The following DYM variants were observed in gnomAD, a reference collection of about 807,000 sequenced individuals.
DYM encodes dymeclin.
A neutral mutation model predicts 93.1 loss-of-function variants in DYM; 78 were observed. The observed-to-expected ratio is 0.84, with a 90% CI of 0.70 to 1.01. The LOEUF (loss-of-function observed/expected upper bound fraction) is 1.01. Ranked by LOEUF, DYM falls within the 50% of genes least tolerant of loss-of-function variation. DYM has a pLI of 0.00. For synonymous variants in DYM, 321 were observed against 319.7 expected, an observed-to-expected ratio of 1.00 and a Z score of -0.04; for missense variants, 789 against 845.0, an observed-to-expected ratio of 0.93 and a Z score of 0.82.
chr18:49,135,750 G>T (rs1424185417), intron 15 of DYM, among the ~76,000 whole-genome samples: 1 of 152,200 alleles, frequency 6.6e-6, no homozygotes, highest in East Asian at 1.9e-4. Flanking sequence ...ACATTACAAT[G>T]AAATGCTCTA....
chr18:49,319,177 A>T (rs950211846), intron 8 of DYM, among the ~76,000 whole-genome samples: 2 of 152,242 alleles, frequency 1.3e-5, no homozygotes, highest in African/African-American at 4.8e-5. Context: ...GTTACTATTG[A>T]AGACAACTGC....
chr18:49,289,756 T>A (rs76164117), intron 8 of DYM, among the ~76,000 whole-genome samples: 1 of 47,708 alleles, frequency 2.1e-5, no homozygotes, highest in African/African-American at 7.4e-5. Flanking sequence ...TATATATATA[T>A]ATATATATAT....
intron 15 of DYM, among the ~76,000 whole-genome samples, chr18:49,160,649 C>T (rs879938708): frequency 4.6e-5 from 7 of 150,676 alleles, no homozygotes; most frequent in Admixed American, 4.0e-4. Flanking sequence ...CCTTTTTCAT[C>T]TTTTACCAAC....
At chr18:49,096,861 C>T (rs2079592315) in intron 17 of DYM, among the ~76,000 whole-genome samples, 1 of 152,186 alleles carries the variant, frequency 6.6e-6, no homozygotes, top group African/African-American at 2.4e-5. Flanking sequence ...GATAGACTTC[C>T]TGGGTTTCAA....
chr18:49,073,957 A>C (rs1234634117), intron 17 of DYM, among the ~76,000 whole-genome samples: 1 of 152,166 alleles, frequency 6.6e-6, no homozygotes, highest in Non-Finnish European at 1.5e-5. Context: ...ATTAAGGTAA[A>C]ATAATTTGGT....
At chr18:49,450,126 CA>C (rs2082398823) in intron 1 of DYM, among the ~76,000 whole-genome samples, 1 of 152,034 alleles carries the variant, frequency 6.6e-6, no homozygotes, top group Non-Finnish European at 1.5e-5. Context: ...TACAGGAAGA[CA>C]AAAATTAATC....
intron 14 of DYM, among the ~76,000 whole-genome samples, chr18:49,194,131 A>G (rs1042130500): frequency 6.6e-6 from 1 of 152,238 alleles, no homozygotes; most frequent in Non-Finnish European, 1.5e-5. Flanking sequence ...GTAACAAAGA[A>G]TATTTCTATA....
Position 49,170,954 on chromosome 18 carries a change from A to C in DYM, c.1626-7167T>G, listed in dbSNP as rs951605266. Among the ~76,000 whole-genome samples, 12 of 152,210 alleles carry C rather than the reference A, an allele frequency of 7.9e-5. No homozygotes were observed. The Middle Eastern group carries it at 0.01, about 129-fold the overall frequency. ...AGGAGGAAATAATCATCACTGTTAA[A>C]AGCTGTCAAATAGTAAAGTAGGATT... is the stretch of plus-strand genomic sequence containing the variant. On this transcript the variant is annotated intron_variant, in intron 14 of 17. Transcript: ENST00000675505.
chr18:49,369,774 G>A (rs745884259), intron 5 of DYM, among the ~76,000 whole-genome samples: 4 of 152,088 alleles, frequency 2.6e-5, no homozygotes, highest in Non-Finnish European at 5.9e-5. Flanking sequence ...ACTGTTTTGT[G>A]CCATGGAAGT....
chr18:49,071,061 T>A (rs1200693786), intron 17 of DYM, among the ~76,000 whole-genome samples: 1 of 152,220 alleles, frequency 6.6e-6, no homozygotes, highest in Non-Finnish European at 1.5e-5. Flanking sequence ...CATTTTCAGT[T>A]CCTGTAGGTT....
At chr18:49,363,960 T>C (rs1222656121) in intron 5 of DYM, among the ~76,000 whole-genome samples, 2 of 152,250 alleles carry the variant, frequency 1.3e-5, no homozygotes, top group African/African-American at 2.4e-5. Flanking sequence ...TACTCCTTCA[T>C]GAAATTCTTT....
At chr18:49,349,295 A>G (rs927339105) in intron 6 of DYM, among the ~76,000 whole-genome samples, 1 of 152,252 alleles carries the variant, frequency 6.6e-6, no homozygotes, top group Non-Finnish European at 1.5e-5. Flanking sequence ...TATGCAAAAA[A>G]TGCATCAAAT....
intron 14 of DYM, among the ~76,000 whole-genome samples, chr18:49,192,351 C>T (rs1016225259): frequency 6.6e-6 from 1 of 152,130 alleles, no homozygotes; most frequent in Non-Finnish European, 1.5e-5. Flanking sequence ...ATTGTCCAGA[C>T]ACAATGTCAT....
chr18:49,347,123 G>T (rs974669508), intron 6 of DYM, among the ~76,000 whole-genome samples: 2 of 152,102 alleles, frequency 1.3e-5, no homozygotes, highest in African/African-American at 4.8e-5. Context: ...AATGCCTATC[G>T]CTTTCACATA....
At chr18:49,156,851 C>T (rs945178063) in intron 15 of DYM, among the ~76,000 whole-genome samples, 1 of 151,508 alleles carries the variant, frequency 6.6e-6, no homozygotes, top group African/African-American at 2.4e-5. Flanking sequence ...TGTTGCTTTG[C>T]TGTGTAATCA....
Position 49,108,221 on chromosome 18 carries a change from T to A in DYM, c.1911+10523A>T, listed in dbSNP as rs567399245. On this transcript the variant is annotated intron_variant, in intron 16 of 17. Transcript: ENST00000675505. ...CCTCCGAGCCAGGCACGGGATATAA[T>A]CTCCTGGTGTGCCATTTGCTAAGAC... is the stretch of plus-strand genomic sequence containing the variant. Among the ~76,000 whole-genome samples, 18 of 152,268 alleles carry A rather than the reference T, an allele frequency of 1.2e-4. No homozygotes were observed. The South Asian group carries it at 2.1e-3, about 18-fold the overall frequency.
chr18:49,422,118 AG>A (rs1232604898), intron 2 of DYM, among the ~76,000 whole-genome samples: 1 of 152,228 alleles, frequency 6.6e-6, no homozygotes, highest in Non-Finnish European at 1.5e-5. Context: ...CAACCTAGTA[AG>A]GCAGGCCAAC....
intron 2 of DYM, among the ~76,000 whole-genome samples, chr18:49,420,497 T>A (rs899621709): frequency 3.9e-5 from 6 of 151,984 alleles, no homozygotes; most frequent in Admixed American, 1.3e-4. Flanking sequence ...TAAGGCCCAA[T>A]CCAATTGTAT....
chr18:49,435,366 C>T (rs149096763), intron 1 of DYM, among the ~76,000 whole-genome samples: 5 of 145,854 alleles, frequency 3.4e-5, no homozygotes, highest in African/African-American at 1.3e-4. Flanking sequence ...TATTTAAAAG[C>T]AATCTTGGAT....
Sources: gnomAD v4.1 joint callset for allele counts (sites outside exome capture counted in the v4.1 genomes callset) on GRCh38, gnomAD v4.1.1 for gene constraint, MANE v1.5 for transcripts, NCBI Gene and HGNC (gene_info 2026-07-23, HGNC 2026-07-21) for gene names.